Variants in IGSF21 observed in about 807,000 individuals in gnomAD.
IGSF21 encodes immunoglobin superfamily member 21, also known as immunoglobulin superfamily member 21.
IGSF21 carries 28 observed loss-of-function variants against 46.8 expected under a neutral mutation model. That is an observed-to-expected ratio of 0.60 (90% CI 0.44 to 0.82). The LOEUF (loss-of-function observed/expected upper bound fraction) is 0.82, where lower values mean the gene tolerates loss of function less well. IGSF21 is among the 40% of genes least tolerant of loss of function. The pLI is 0.00. For synonymous variants in IGSF21, 284 were observed against 273.6 expected, an observed-to-expected ratio of 1.04 and a Z score of -0.38; for missense variants, 624 against 665.5, an observed-to-expected ratio of 0.94 and a Z score of 0.69.
At chr1:18,255,425 A>G (rs1346180716) in intron 2 of IGSF21, among the ~76,000 whole-genome samples, 5 of 152,098 alleles carry the variant, frequency 3.3e-5, no homozygotes, top group Non-Finnish European at 5.9e-5. Context: ...ACAGACATGG[A>G]CACATCCTCA....
intron 1 of IGSF21, chr1:18,112,699 G>C (rs568455852): frequency 3.3e-5 from 5 of 152,336 alleles, no homozygotes; most frequent in Non-Finnish European, 5.9e-5. Flanking sequence ...CCAGTCTCCT[G>C]TCTGGATGCC....
chr1:18,252,252 G>A (rs996271616), intron 2 of IGSF21, among the ~76,000 whole-genome samples: 12 of 151,794 alleles, frequency 7.9e-5, no homozygotes, highest in Admixed American at 1.3e-4. Flanking sequence ...GGGTTTCACC[G>A]TGTTATCAGG....
intron 2 of IGSF21, among the ~76,000 whole-genome samples, chr1:18,245,393 A>G (rs1294684772): frequency 6.6e-6 from 1 of 152,204 alleles, no homozygotes. Context: ...TAATTTCTTT[A>G]AACAAATAGC....
chr1:18,225,781 G>A (rs2084560428), intron 1 of IGSF21, among the ~76,000 whole-genome samples: 1 of 152,098 alleles, frequency 6.6e-6, no homozygotes, highest in African/African-American at 2.4e-5. Flanking sequence ...TTTAGGGCTG[G>A]AAGAAAAAAG....
At chr1:18,214,804 C>T (rs559615388) in intron 1 of IGSF21, among the ~76,000 whole-genome samples, 13 of 152,256 alleles carry the variant, frequency 8.5e-5, no homozygotes, top group South Asian at 2.1e-4. Flanking sequence ...AGTACAGTGG[C>T]GTGATCTCAG....
At chr1:18,219,335 G>A (rs2084484128) in intron 1 of IGSF21, among the ~76,000 whole-genome samples, 1 of 152,198 alleles carries the variant, frequency 6.6e-6, no homozygotes, top group African/African-American at 2.4e-5. Flanking sequence ...CAAGGGCAAA[G>A]GCCCTGAGGT....
chr1:18,174,589 C>T (rs1433312262), intron 1 of IGSF21, among the ~76,000 whole-genome samples: 2 of 152,156 alleles, frequency 1.3e-5, no homozygotes, highest in Admixed American at 6.5e-5. Context: ...GCGTGCCACC[C>T]GACTTCCCCC....
rs192348948 is a variant in IGSF21, at chr1:18,376,106, G to C, written c.1016-204G>C. On this transcript the variant is annotated intron_variant, in intron 6 of 9. Coordinates refer to ENST00000251296, the MANE Select transcript of IGSF21 (RefSeq NM_032880.5). ...CACCCTTGACTCCCCAGGTCCTAGAGAGCATCTGATTCATTGCATGGGCTT... is the reference window on the plus strand; with the variant it reads ...CACCCTTGACTCCCCAGGTCCTAGACAGCATCTGATTCATTGCATGGGCTT... The C allele has an allele frequency of 1.7e-4, 93 of 558,578 alleles. No homozygotes were observed. In the East Asian group the frequency reaches 2.0e-3, roughly 12 times the overall value. The allele number at this position is 558,578 out of a possible 1,614,324, so 34.6% of individuals were successfully genotyped here. A position where few individuals can be genotyped will look rare whatever the true frequency, so the allele number is the denominator to read the frequency against.
At chr1:18,284,815 G>A (rs952701854) in intron 2 of IGSF21, among the ~76,000 whole-genome samples, 1 of 152,234 alleles carries the variant, frequency 6.6e-6, no homozygotes, top group African/African-American at 2.4e-5. Flanking sequence ...GCTGGGATTG[G>A]AAGCTGTGCT....
rs577594087 is a variant in IGSF21, at chr1:18,222,089, T to G, written c.71-5809T>G. ...ACCTCTCCTCTGCTCTTCACCGCTG[T>G]GCTCCTGGCTTCCCCCACCCATGCC... On this transcript the variant is annotated intron_variant, in intron 1 of 9. Transcript: ENST00000251296. Among the ~76,000 whole-genome samples, 63 of 152,296 alleles carry G rather than the reference T, an allele frequency of 4.1e-4. No individual in the cohort carries two copies. The South Asian group carries it at 0.013, about 31-fold the overall frequency.
chr1:18,221,253 G>A (rs1474063451), intron 1 of IGSF21, among the ~76,000 whole-genome samples: 1 of 152,196 alleles, frequency 6.6e-6, no homozygotes, highest in African/African-American at 2.4e-5. Flanking sequence ...TAACAAGGGT[G>A]AAAACTCATC....
intron 1 of IGSF21, among the ~76,000 whole-genome samples, chr1:18,134,392 G>A (rs2086350027): frequency 6.6e-6 from 1 of 152,116 alleles, no homozygotes; most frequent in African/African-American, 2.4e-5. Flanking sequence ...AGAAGCTTCT[G>A]AGGCAGAAAT....
chr1:18,376,361 G>C lies in IGSF21; in HGVS notation c.1067G>C (p.Gly356Ala), dbSNP rs2086280440. 1 of 1,613,882 alleles carries C rather than the reference G, an allele frequency of 6.2e-7. No individual in the cohort carries two copies. The highest frequency in any genetic ancestry group is 8.5e-7 in the Non-Finnish European group (1 of 1,179,966). ...ATGACGCCCAGCAGAGCCCGGGTAG[G>C]GGACACAGTGAGGATTCTGGTCCAT... ...IVMTPSRARV[G>A]DTVRILVHGF... is the part of the protein sequence containing the mutation. Residue 356 changes from glycine (G) to alanine (A), a missense_variant, in exon 7 of 10, where the codon GGG becomes GCG. Gly to Ala is a moderately conservative substitution (Grantham distance 60). Coordinates refer to ENST00000251296, the MANE Select transcript of IGSF21 (RefSeq NM_032880.5).
intron 2 of IGSF21, among the ~76,000 whole-genome samples, chr1:18,277,946 T>C (rs1376642874): frequency 6.6e-6 from 1 of 152,196 alleles, no homozygotes; most frequent in East Asian, 1.9e-4. Context: ...CAGCTTACAC[T>C]GGTGCACGCA....
chr1:18,374,413 G>A lies in IGSF21; in HGVS notation c.1016-1897G>A, dbSNP rs374709070. On this transcript the variant is annotated intron_variant, in intron 6 of 9. Transcript: ENST00000251296. Reference sequence around the variant, plus strand: ...TGTTCCTAACGGCCCCGCGTGTTAGGCAAGGGGTATCATTGTTCCCATGGT... The same window carrying A: ...TGTTCCTAACGGCCCCGCGTGTTAGACAAGGGGTATCATTGTTCCCATGGT... 4.5e-4 allele frequency among the ~76,000 whole-genome samples: 69 copies of A among 152,322 alleles called. No homozygotes were observed. The South Asian group carries it at 0.011, about 24-fold the overall frequency.
At chr1:18,262,205 G>A (rs78109190) in intron 2 of IGSF21, among the ~76,000 whole-genome samples, 5,089 of 152,242 alleles carry the variant, frequency 0.033, 294 homozygotes, top group African/African-American at 0.11. Flanking sequence ...CCCACAAAGG[G>A]ATGGGGAAGC....
At chr1:18,210,426 T>C (rs2084377390) in intron 1 of IGSF21, among the ~76,000 whole-genome samples, 1 of 152,196 alleles carries the variant, frequency 6.6e-6, no homozygotes, top group South Asian at 2.1e-4. Flanking sequence ...GGATCTAGTT[T>C]AGTGGCAAAG....
chr1:18,153,999 G>A (rs1322717940), intron 1 of IGSF21, among the ~76,000 whole-genome samples: 4 of 152,242 alleles, frequency 2.6e-5, no homozygotes, highest in East Asian at 3.9e-4. Context: ...TGTAGGAGCC[G>A]ATCCGTTCCT....
At chr1:18,150,054 G>C (rs1388547388) in intron 1 of IGSF21, among the ~76,000 whole-genome samples, 1 of 152,130 alleles carries the variant, frequency 6.6e-6, no homozygotes, top group Non-Finnish European at 1.5e-5. Context: ...AGGAGTTTGA[G>C]GCCATCCTGG....
Sources: gnomAD v4.1 joint callset for allele counts (sites outside exome capture counted in the v4.1 genomes callset) on GRCh38, gnomAD v4.1.1 for gene constraint, MANE v1.5 for transcripts, NCBI Gene and HGNC (gene_info 2026-07-23, HGNC 2026-07-21) for gene names.